LUZP2: variants seen among roughly 807,000 people sequenced by gnomAD.
The protein encoded by LUZP2 is leucine zipper protein 2.
In LUZP2, 52 loss-of-function variants were observed where a neutral mutation model predicts 51.6. The observed-to-expected ratio is 1.01, with a 90% CI of 0.81 to 1.27. The LOEUF (loss-of-function observed/expected upper bound fraction) is 1.27. LUZP2 is among the 50% of genes most tolerant of loss of function. The pLI, the probability that LUZP2 is intolerant of heterozygous loss-of-function variation, is 0.00. For missense variants in LUZP2, 436 were observed against 395.4 expected, an observed-to-expected ratio of 1.10 and a Z score of -0.87; for synonymous variants, 154 against 137.3, an observed-to-expected ratio of 1.12 and a Z score of -0.85.
intron 9 of LUZP2, among the ~76,000 whole-genome samples, chr11:25,040,160 A>G (rs922691918): frequency 6.6e-6 from 1 of 152,150 alleles, no homozygotes; most frequent in Non-Finnish European, 1.5e-5. Flanking sequence ...CAATAAATGC[A>G]TATGAGCATT....
chr11:24,724,521 A>G (rs1376068551), intron 1 of LUZP2, among the ~76,000 whole-genome samples: 1 of 152,166 alleles, frequency 6.6e-6, no homozygotes, highest in Non-Finnish European at 1.5e-5. Context: ...CAGTAAGCCG[A>G]GATCATGCCA....
intron 5 of LUZP2, among the ~76,000 whole-genome samples, chr11:24,803,849 T>A (rs1273823251): frequency 6.6e-6 from 1 of 152,080 alleles, no homozygotes; most frequent in Non-Finnish European, 1.5e-5. Context: ...ATTCTATTTA[T>A]ATAAAAGTAT....
intron 1 of LUZP2, among the ~76,000 whole-genome samples, chr11:24,497,632 C>T (rs1849867029): frequency 6.6e-6 from 1 of 152,086 alleles, no homozygotes; most frequent in Admixed American, 6.5e-5. Context: ...AAATAAAGAA[C>T]GGAAATAGGC....
At chr11:24,652,112 TTGTGTG>T (rs34372204) in intron 1 of LUZP2, among the ~76,000 whole-genome samples, 5 of 151,638 alleles carry the variant, frequency 3.3e-5, no homozygotes, top group Non-Finnish European at 2.9e-5. Flanking sequence ...GTATATGTGT[TTGTGTG>T]TGTGTGTGTG....
At chr11:24,833,136 G>A (rs947250240) in intron 5 of LUZP2, among the ~76,000 whole-genome samples, 3 of 152,148 alleles carry the variant, frequency 2.0e-5, no homozygotes, top group Non-Finnish European at 4.4e-5. Flanking sequence ...ATGAATGAAT[G>A]CAATGGCATA....
intron 9 of LUZP2, among the ~76,000 whole-genome samples, chr11:25,018,640 C>T (rs193043747): frequency 9.9e-4 from 135 of 136,306 alleles, no homozygotes; most frequent in African/African-American, 3.4e-3. Flanking sequence ...GACACTCTCA[C>T]TCTGTTGCCC....
chr11:24,782,929 G>T (rs1287135023), intron 5 of LUZP2, among the ~76,000 whole-genome samples: 1 of 151,968 alleles, frequency 6.6e-6, no homozygotes, highest in Non-Finnish European at 1.5e-5. Flanking sequence ...GGAAGGAAGA[G>T]ATAAAGAAAA....
intron 1 of LUZP2, among the ~76,000 whole-genome samples, chr11:24,718,375 C>A (rs1037349674): frequency 6.6e-6 from 1 of 152,196 alleles, no homozygotes; most frequent in Non-Finnish European, 1.5e-5. Flanking sequence ...AGCTAGCAGT[C>A]TTTTGCGCAG....
intron 1 of LUZP2, among the ~76,000 whole-genome samples, chr11:24,712,391 C>G (rs992277699): frequency 4.7e-4 from 72 of 151,808 alleles, no homozygotes; most frequent in African/African-American, 1.6e-3. Context: ...GCCTGAGTGA[C>G]AGAGTGAGAT....
intron 3 of LUZP2, among the ~76,000 whole-genome samples, chr11:24,737,429 C>T (rs1476133599): frequency 6.6e-6 from 1 of 151,556 alleles, no homozygotes; most frequent in Non-Finnish European, 1.5e-5. Context: ...CCAGGAATTG[C>T]CACACATACA....
chr11:24,717,581 G>GT (rs1159998606), intron 1 of LUZP2, among the ~76,000 whole-genome samples: 1 of 121,150 alleles, frequency 8.3e-6, no homozygotes, highest in African/African-American at 3.2e-5. Context: ...CTAATTTTTT[G>GT]TATTTTTTTT....
At chr11:24,580,363 C>T (rs1201408833) in intron 1 of LUZP2, among the ~76,000 whole-genome samples, 2 of 152,038 alleles carry the variant, frequency 1.3e-5, no homozygotes, top group Admixed American at 1.3e-4. Context: ...CAGTTGCCTA[C>T]AATACTGAAA....
intron 1 of LUZP2, among the ~76,000 whole-genome samples, chr11:24,649,985 A>G (rs1382265821): frequency 7.1e-6 from 1 of 140,810 alleles, no homozygotes. Context: ...AGACACACAC[A>G]CACACACACA....
chr11:24,663,506 A>C (rs1418491818), intron 1 of LUZP2, among the ~76,000 whole-genome samples: 1 of 152,210 alleles, frequency 6.6e-6, no homozygotes, highest in Non-Finnish European at 1.5e-5. Context: ...AGAATGACTA[A>C]TACAATAATT....
rs1300320790 is a variant in LUZP2 at position 24,714,284 on chromosome 11, C to A, written c.63-14885C>A. ...TGTAACAAACCTGCATGTTCTCTATCCCAGATTTTCAAGTAAATAAAGTAA... is the reference window on the plus strand; with the variant it reads ...TGTAACAAACCTGCATGTTCTCTATACCAGATTTTCAAGTAAATAAAGTAA... On this transcript the variant is annotated intron_variant, in intron 1 of 11. Transcript: ENST00000336930. 2.6e-5 allele frequency among the ~76,000 whole-genome samples: 4 copies of A among 151,878 alleles called. No homozygotes were observed. In the South Asian group the frequency reaches 6.2e-4, roughly 24 times the overall value.
chr11:24,729,562 A>G (rs1468101808), intron 2 of LUZP2, among the ~76,000 whole-genome samples: 7 of 151,938 alleles, frequency 4.6e-5, no homozygotes, highest in Admixed American at 4.6e-4. Flanking sequence ...TGTTTTTGGT[A>G]TTATAAAATG....
chr11:24,509,243 A>G (rs1313886650), intron 1 of LUZP2, among the ~76,000 whole-genome samples: 2 of 152,110 alleles, frequency 1.3e-5, no homozygotes, highest in African/African-American at 4.8e-5. Context: ...GAGCCTTACC[A>G]TATGATAATA....
At chr11:24,703,113 A>AGACAAAATACATTATTT (rs1857465346) in intron 1 of LUZP2, among the ~76,000 whole-genome samples, 1 of 152,190 alleles carries the variant, frequency 6.6e-6, no homozygotes, top group African/African-American at 2.4e-5. Flanking sequence ...GGCAGTGAAA[A>AGACAAAATACATTATTT]GACAAAATAC....
chr11:25,078,894 T>C lies in LUZP2; in HGVS notation c.*236T>C. ...ATATTTTGTTGTCAACAGTAAATTGTCCCATATAAATTGGTCTGGTTTAAC... is the reference window on the plus strand; with the variant it reads ...ATATTTTGTTGTCAACAGTAAATTGCCCCATATAAATTGGTCTGGTTTAAC... On this transcript the variant is annotated 3_prime_UTR_variant, in exon 12 of 12. Coordinates refer to ENST00000336930, the MANE Select transcript of LUZP2 (RefSeq NM_001009909.4). The C allele has an allele frequency of 2.4e-6, 1 of 419,210 alleles. No individual in the cohort carries two copies. Among genetic ancestry groups the C allele is most frequent in the Non-Finnish European group, 4.2e-6 (1 of 238,526 alleles). 26.0% of individuals were successfully genotyped at this position (419,210 alleles called of 1,614,324 possible).
Sources: allele counts gnomAD v4.1 joint callset (sites outside exome capture counted in the v4.1 genomes callset), GRCh38; gene constraint gnomAD v4.1.1; transcripts MANE v1.5; gene names NCBI Gene and HGNC (gene_info 2026-07-23, HGNC 2026-07-21).